TMEM132D: variants seen among roughly 807,000 people sequenced by gnomAD.
TMEM132D encodes the protein transmembrane protein 132D.
In TMEM132D, 21 loss-of-function variants were observed where a neutral mutation model predicts 62.3. The observed-to-expected ratio is 0.34, with a 90% CI of 0.24 to 0.49. The LOEUF (loss-of-function observed/expected upper bound fraction) is 0.49. TMEM132D is among the 20% of genes least tolerant of loss of function. TMEM132D has a pLI of 0.99. For synonymous variants in TMEM132D, 621 were observed against 575.6 expected, an observed-to-expected ratio of 1.08 and a Z score of -1.13; for missense variants, 1,346 against 1,402.8, an observed-to-expected ratio of 0.96 and a Z score of 0.65.
intron 3 of TMEM132D, among the ~76,000 whole-genome samples, chr12:129,400,772 G>C (rs1871598334): frequency 6.6e-6 from 1 of 152,122 alleles, no homozygotes; most frequent in African/African-American, 2.4e-5. Flanking sequence ...TTTGTGCCAA[G>C]CTAAATATAT....
chr12:129,389,838 G>T (rs1188746567), intron 3 of TMEM132D, among the ~76,000 whole-genome samples: 2 of 152,192 alleles, frequency 1.3e-5, no homozygotes, highest in East Asian at 3.9e-4. Context: ...GCAGAGAGTG[G>T]CTAGGTTTTT....
chr12:129,080,106 G>A (rs1874403826), intron 7 of TMEM132D, among the ~76,000 whole-genome samples: 1 of 152,174 alleles, frequency 6.6e-6, no homozygotes, highest in Non-Finnish European at 1.5e-5. Context: ...AATTGTGGAG[G>A]TTGCAAGCTC....
Position 129,878,311 on chromosome 12 carries a change from G to A in TMEM132D, c.79+24950C>T, listed in dbSNP as rs574193899. Among the ~76,000 whole-genome samples the A allele has an allele frequency of 8.5e-4, 129 of 152,228 alleles. 1 individual carries two copies. Among genetic ancestry groups the A allele is most frequent in the Middle Eastern group, 6.8e-3 (2 of 294 alleles). On this transcript the variant is annotated intron_variant, in intron 1 of 8. Transcript: ENST00000422113. Reference sequence around the variant, plus strand: ...CTGAGATTCTCAGTGATTGCTTTACGTTACTGTAATTAAGCTTTGCTTAAT... The same window carrying A: ...CTGAGATTCTCAGTGATTGCTTTACATTACTGTAATTAAGCTTTGCTTAAT...
chr12:129,455,538 G>A (rs1873437794), intron 3 of TMEM132D, among the ~76,000 whole-genome samples: 1 of 152,198 alleles, frequency 6.6e-6, no homozygotes, highest in Non-Finnish European at 1.5e-5. Context: ...AAACATGAAA[G>A]AGAATGAAAA....
chr12:129,564,429 G>A (rs1445031763), intron 2 of TMEM132D, among the ~76,000 whole-genome samples: 1 of 152,302 alleles, frequency 6.6e-6, no homozygotes, highest in Non-Finnish European at 1.5e-5. Context: ...AATCATCTGG[G>A]ACAAGGTCAT....
At chr12:129,616,646 T>C (rs1342937970) in intron 2 of TMEM132D, among the ~76,000 whole-genome samples, 1 of 152,214 alleles carries the variant, frequency 6.6e-6, no homozygotes, top group Non-Finnish European at 1.5e-5. Context: ...TTCCCTCTTT[T>C]GTTCGGCACT....
intron 3 of TMEM132D, among the ~76,000 whole-genome samples, chr12:129,457,145 G>A (rs1421335301): frequency 2.6e-5 from 4 of 152,066 alleles, no homozygotes; most frequent in East Asian, 1.9e-4. Flanking sequence ...GCACACGTAT[G>A]TTTATTGCGG....
chr12:129,656,798 T>C (rs1050342948), intron 2 of TMEM132D, among the ~76,000 whole-genome samples: 4 of 152,200 alleles, frequency 2.6e-5, no homozygotes, highest in African/African-American at 7.2e-5. Context: ...TTATAAGAGA[T>C]AGGCACTATT....
rs1369246635 is a variant in TMEM132D, at chr12:129,381,657, CA to C, written c.1116-43841del. ...GCAGTCTGACTCAGAGTTCTCTGCA[CA>C]CTCCTTTGTATTTCTGACTTTTTTC... On this transcript the variant is annotated intron_variant, in intron 3 of 8. Coordinates refer to ENST00000422113, the MANE Select transcript of TMEM132D (RefSeq NM_133448.3). Among the ~76,000 whole-genome samples, 8 of 152,142 alleles carry C rather than the reference CA, an allele frequency of 5.3e-5. No individual in the cohort carries two copies. In the South Asian group the frequency reaches 1.5e-3, roughly 28 times the overall value.
chr12:129,432,691 C>T (rs982253766), intron 3 of TMEM132D, among the ~76,000 whole-genome samples: 1 of 152,220 alleles, frequency 6.6e-6, no homozygotes, highest in Non-Finnish European at 1.5e-5. Flanking sequence ...AAAAAATACT[C>T]AAGTCTCAAT....
chr12:129,278,479 G>C (rs578190620), intron 4 of TMEM132D, among the ~76,000 whole-genome samples: 3 of 152,112 alleles, frequency 2.0e-5, no homozygotes, highest in Admixed American at 1.3e-4. Context: ...GCACTCCAAG[G>C]CTCCATCTTA....
At chr12:129,334,888 C>G (rs1355332688) in intron 4 of TMEM132D, among the ~76,000 whole-genome samples, 5 of 151,626 alleles carry the variant, frequency 3.3e-5, no homozygotes, top group Non-Finnish European at 7.4e-5. Flanking sequence ...CTGCACCCAG[C>G]CCCACCAAGT....
chr12:129,244,935 C>A (rs1007742322), intron 4 of TMEM132D, among the ~76,000 whole-genome samples: 2 of 152,150 alleles, frequency 1.3e-5, no homozygotes, highest in African/African-American at 4.8e-5. Flanking sequence ...GCCACCACGC[C>A]CGGCCTGGTG....
intron 4 of TMEM132D, among the ~76,000 whole-genome samples, chr12:129,327,954 C>T (rs1241233633): frequency 1.3e-5 from 2 of 152,202 alleles, no homozygotes; most frequent in Non-Finnish European, 2.9e-5. Flanking sequence ...TACCATTTCC[C>T]CACTCACTAT....
At chr12:129,577,840 G>A (rs191858092) in intron 2 of TMEM132D, among the ~76,000 whole-genome samples, 16 of 152,140 alleles carry the variant, frequency 1.1e-4, no homozygotes, top group African/African-American at 1.9e-4. Flanking sequence ...ATAGTTAATC[G>A]TATGTGTCAA....
chr12:129,402,699 T>C (rs916541836), intron 3 of TMEM132D, among the ~76,000 whole-genome samples: 3 of 152,134 alleles, frequency 2.0e-5, no homozygotes, highest in African/African-American at 7.2e-5. Flanking sequence ...GCCTCCTAAG[T>C]CAGTTTTTTA....
At chr12:129,400,042 T>C (rs1295094544) in intron 3 of TMEM132D, among the ~76,000 whole-genome samples, 1 of 152,102 alleles carries the variant, frequency 6.6e-6, no homozygotes, top group Non-Finnish European at 1.5e-5. Context: ...TACAATTTTC[T>C]CAAATTGCAT....
At chr12:129,414,073 A>T (rs142904667) in intron 3 of TMEM132D, among the ~76,000 whole-genome samples, 14 of 152,342 alleles carry the variant, frequency 9.2e-5, no homozygotes, top group African/African-American at 3.1e-4. Flanking sequence ...TTGCCTTGCT[A>T]ACTTCAACTC....
intron 5 of TMEM132D, among the ~76,000 whole-genome samples, chr12:129,088,982 A>C (rs370424573): frequency 3.7e-5 from 1 of 27,256 alleles, no homozygotes; most frequent in Non-Finnish European, 5.6e-5. Flanking sequence ...GATGTCCTCC[A>C]TGACCGGGGT....
Sources: allele counts gnomAD v4.1 joint callset (sites outside exome capture counted in the v4.1 genomes callset), GRCh38; gene constraint gnomAD v4.1.1; transcripts MANE v1.5; gene names NCBI Gene and HGNC (gene_info 2026-07-23, HGNC 2026-07-21).